CDH24: variants seen among roughly 807,000 people sequenced by gnomAD.
CDH24 encodes the protein cadherin 24.
In CDH24, 61 loss-of-function variants were observed where a neutral mutation model predicts 71.2. The observed-to-expected ratio is 0.86, with a 90% CI of 0.70 to 1.06. CDH24 has a LOEUF of 1.06. CDH24 is among the 50% of genes least tolerant of loss of function. CDH24 has a pLI of 0.00. For missense variants in CDH24, 961 were observed against 1,083.7 expected, an observed-to-expected ratio of 0.89 and a Z score of 1.59; for synonymous variants, 440 against 470.2, an observed-to-expected ratio of 0.94 and a Z score of 0.83.
rs2047109454 is a variant in CDH24 at position 23,054,450 on chromosome 14, C to T, written c.784+56G>A. On this transcript the variant is annotated intron_variant, in intron 5 of 12. Transcript: ENST00000487137. This position sits in a 1 kb window ranked among gnomAD's most constrained non-coding sequence, Gnocchi z 5.2. ...GGCGAGGAGGGAAGGTTTCTCCAGA[C>T]ACTGTAGGGGTGGGGTGATCAAAGG... 2.5e-6 allele frequency: 4 copies of T among 1,577,302 alleles called. No individual in the cohort carries two copies. Among genetic ancestry groups the T allele is most frequent in the African/African-American group, 1.3e-5 (1 of 74,172 alleles).
chr14:23,054,346 G>C lies in CDH24; in HGVS notation c.785-18C>G, dbSNP rs1046055780. The stretch of plus-strand genomic sequence containing the variant: ...GTATAGGCCTTGGGATGACAGAGGG[G>C]AGACACCTTCTCAGAGAGGTCCCCA... On this transcript the variant is annotated intron_variant, in intron 5 of 12. Coordinates refer to ENST00000487137, the MANE Select transcript of CDH24 (RefSeq NM_144985.4). The surrounding 1 kb of genome is among the most constrained non-coding windows in gnomAD (Gnocchi z 5.2). 1 of 1,563,076 alleles carries C rather than the reference G, an allele frequency of 6.4e-7. No homozygotes were observed. The highest frequency in any genetic ancestry group is 1.2e-5 in the South Asian group (1 of 84,398).
intron 7 of CDH24, among the ~76,000 whole-genome samples, chr14:23,053,177 A>T (rs1384162835): frequency 1.3e-5 from 2 of 152,210 alleles, no homozygotes; most frequent in African/African-American, 2.4e-5. Flanking sequence ...AGTGTCAGCA[A>T]GGGGGTAAAC....
At position 23,049,607 on chromosome 14, in the gene CDH24, G is replaced by A. The variant is rs745629706; in HGVS notation, c.1597+20C>T. ...AGGGGACAGAGGCAGGTATGGACAT[G>A]GCTGTAGGAGGCCACCTACCTCGGT... On this transcript the variant is annotated intron_variant, in intron 10 of 12. Coordinates refer to ENST00000487137, the MANE Select transcript of CDH24 (RefSeq NM_144985.4). The A allele has an allele frequency of 2.6e-4, 356 of 1,379,764 alleles. 1 individual carries two copies. Among genetic ancestry groups the A allele is most frequent in the South Asian group, 2.4e-3 (179 of 75,046 alleles). The allele number at this position is 1,379,764 out of a possible 1,614,324, so 85.5% of individuals were successfully genotyped here.
In CDH24 at chr14:23,055,782, T is replaced by A. The variant is rs1166438343; in HGVS notation, c.-49A>T. The A allele has an allele frequency of 6.8e-7, 1 of 1,466,316 alleles. No homozygotes were observed. The highest frequency in any genetic ancestry group is 1.4e-5 in the South Asian group (1 of 72,572). The allele number at this position is 1,466,316 out of a possible 1,614,324, so 90.8% of individuals were successfully genotyped here. ...GTTCACTGGCCCTGGGTGCTGAGGC[T>A]GGGCCAGGCCACGTGGCCCATGAGC... On this transcript the variant is annotated 5_prime_UTR_variant, in exon 2 of 13. Coordinates refer to ENST00000487137, the MANE Select transcript of CDH24 (RefSeq NM_144985.4). This position sits in a 1 kb window ranked among gnomAD's most constrained non-coding sequence, Gnocchi z 4.1.
chr14:23,055,722 C>G lies in CDH24; in HGVS notation c.12G>C (p.Leu4=). 2 of 1,586,070 alleles carry G rather than the reference C, an allele frequency of 1.3e-6. No homozygotes were observed. The highest frequency in any genetic ancestry group is 1.7e-6 in the Non-Finnish European group (2 of 1,171,220). Residue 4 remains leucine (L), a synonymous_variant, in exon 2 of 13, where the codon CTG becomes CTC. Coordinates refer to ENST00000487137, the MANE Select transcript of CDH24 (RefSeq NM_144985.4). This position sits in a 1 kb window ranked among gnomAD's most constrained non-coding sequence, Gnocchi z 4.1. Reference sequence around the variant, plus strand: ...CCAGCCAGGCCAGCAGGAGCCTCACCAGGCCCCACATGTTTGGACTCCAGC... The same window carrying G: ...CCAGCCAGGCCAGCAGGAGCCTCACGAGGCCCCACATGTTTGGACTCCAGC... The part of the protein sequence containing the change: MWG[L]VRLLLAWLGG...
intron 8 of CDH24, 128 bp from the exon 9 acceptor site, chr14:23,050,071 A>G (rs2047074922): frequency 7.7e-7 from 1 of 1,299,820 alleles, no homozygotes; most frequent in Non-Finnish European, 1.1e-6. Flanking sequence ...TGAAATATGC[A>G]TGTAATGTAC....
At position 23,048,005 on chromosome 14, in the gene CDH24, C is replaced by A; in HGVS notation, c.2321G>T (p.Gly774Val). 7.0e-7 allele frequency: 1 copy of A among 1,431,160 alleles called. No individual in the cohort carries two copies. Among genetic ancestry groups the A allele is most frequent in the Admixed American group, 2.8e-5 (1 of 35,752 alleles). 88.7% of individuals were successfully genotyped at this position (1,431,160 alleles called of 1,614,324 possible). ...TCAGGGGGCCGGGGGCTCCTTGGCC[C>A]CATACAGCTCGGCCAGGGTGCGGAA... is the stretch of plus-strand genomic sequence containing the variant. ...PLFRTLAELYGAKEPPAP is the reference protein window; with the variant it reads ...PLFRTLAELYVAKEPPAP The change falls in exon 12 of 13, where the codon GGG becomes GTG. Residue 774 changes from glycine to valine, a missense_variant. This residue lies in a region of CDH24 where 290 missense variants were observed against 272.8 expected (regional missense o/e 1.06). Coordinates refer to ENST00000487137, the MANE Select transcript of CDH24 (RefSeq NM_144985.4).
chr14:23,054,590 C>T lies in CDH24; in HGVS notation c.700G>A (p.Gly234Ser), dbSNP rs562683185. Residue 234 changes from glycine to serine, a missense_variant, in exon 5 of 13, where the codon GGC becomes AGC. Physicochemically the swap from Gly to Ser is moderately conservative, Grantham distance 56 (BLOSUM62 0). Around this residue, in one of 2 missense-constraint regions of CDH24, gnomAD observed 671 missense variants for 810.9 expected, o/e 0.83. Transcript: ENST00000487137. This position sits in a 1 kb window ranked among gnomAD's most constrained non-coding sequence, Gnocchi z 5.2. ...CTGCCTGACAGCCCCCCCATGTGGC[C>T]GCCCATGTCCTTGGCCTGGATCACC... ...LVVIQAKDMG[G>S]HMGGLSGSTT... 2.4e-5 allele frequency: 39 copies of T among 1,614,110 alleles called. No individual in the cohort carries two copies. Among genetic ancestry groups the T allele is most frequent in the Admixed American group, 1.5e-4 (9 of 60,016 alleles).
chr14:23,048,725 T>G (rs1566721476), intron 11 of CDH24, among the ~76,000 whole-genome samples: 1 of 152,204 alleles, frequency 6.6e-6, no homozygotes, highest in Non-Finnish European at 1.5e-5. Context: ...GAAAATATAT[T>G]TACTTCTAAG....
rs940767639 is a variant in CDH24, at chr14:23,051,789, G to A, written c.1363+684C>T. 3.9e-5 allele frequency among the ~76,000 whole-genome samples: 6 copies of A among 152,232 alleles called. No homozygotes were observed. Among genetic ancestry groups the A allele is most frequent in the Non-Finnish European group, 7.3e-5 (5 of 68,038 alleles). ...AGTATGAAGACAAAAGGGTGGAGGAGCCCCTGAGGCATAAGCAGGGGTATA... is the reference window on the plus strand; with the variant it reads ...AGTATGAAGACAAAAGGGTGGAGGAACCCCTGAGGCATAAGCAGGGGTATA... On this transcript the variant is annotated intron_variant, in intron 8 of 12. Coordinates refer to ENST00000487137, the MANE Select transcript of CDH24 (RefSeq NM_144985.4). The surrounding 1 kb of genome is among the most constrained non-coding windows in gnomAD (Gnocchi z 4.4).
In CDH24 at chr14:23,055,906, C is replaced by G. The variant is rs2047126385; in HGVS notation, c.-124-49G>C. 78 of 589,998 alleles carry G rather than the reference C, an allele frequency of 1.3e-4. No homozygotes were observed. In the South Asian group the frequency reaches 1.7e-3, roughly 13 times the overall value. The allele number at this position is 589,998 out of a possible 1,614,324, so 36.5% of individuals were successfully genotyped here. ...GCTCAAGGAAACCCCTAGCCCTCCT[C>G]CCCCGCAAAATTAGATGCTGAAGAC... On this transcript the variant is annotated intron_variant, in intron 1 of 12. Coordinates refer to ENST00000487137, the MANE Select transcript of CDH24 (RefSeq NM_144985.4). The surrounding 1 kb of genome is among the most constrained non-coding windows in gnomAD (Gnocchi z 4.1).
Position 23,048,139 on chromosome 14 carries a change from G to T in CDH24, c.2187C>A (p.Gly729=). 1 of 1,394,214 alleles carries T rather than the reference G, an allele frequency of 7.2e-7. No individual in the cohort carries two copies. The allele number at this position is 1,394,214 out of a possible 1,614,324, so 86.4% of individuals were successfully genotyped here. The stretch of plus-strand genomic sequence containing the variant: ...CGCAAGAGGAGCCGCGGCCCTCGTA[G>T]CCGTACACCTGCACCGAGTCGTACG... ...VPPYDSVQVY[G]YEGRGSSCGS... The change falls in exon 12 of 13, where the codon GGC becomes GGA. Residue 729 remains glycine, a synonymous_variant. Coordinates refer to ENST00000487137, the MANE Select transcript of CDH24 (RefSeq NM_144985.4).
At chr14:23,052,447 C>G (rs552602186) in intron 8 of CDH24, 26 bp downstream of exon 8, 1 of 1,612,818 alleles carries the variant, frequency 6.2e-7, no homozygotes, top group Non-Finnish European at 8.5e-7. Flanking sequence ...AGGCTGCTGC[C>G]GCCTTGTGGG....
At chr14:23,050,187 G>A in intron 8 of CDH24, 1 of 463,570 alleles carries the variant, frequency 2.2e-6, no homozygotes, top group African/African-American at 2.0e-5. Flanking sequence ...CAACAGGAAT[G>A]CCGCACCCAT....
At chr14:23,049,331 G>A in intron 10 of CDH24, 56 bp from the exon 11 acceptor site, 2 of 1,496,132 alleles carry the variant, frequency 1.3e-6, no homozygotes, top group South Asian at 1.3e-5. Flanking sequence ...AGGTAGGGTT[G>A]GTCCAGCCCA....
rs1470383757 is a variant in CDH24, at chr14:23,053,700, G to A, written c.1022C>T (p.Thr341Ile). ...QRSYSFRVEA[T>I]NTLIDPAYLR... ...ATAGGCTGGGTCAATGAGCGTGTTG[G>A]TGGCCTCGACACGGAAGGAGTAGGA... Residue 341 changes from threonine to isoleucine, a missense_variant, in exon 7 of 13, where the codon ACC (threonine) becomes ATC (isoleucine). Coordinates refer to ENST00000487137, the MANE Select transcript of CDH24 (RefSeq NM_144985.4). The A allele has an allele frequency of 9.3e-6, 15 of 1,613,244 alleles. No homozygotes were observed. The highest frequency in any genetic ancestry group is 2.2e-5 in the South Asian group (2 of 91,082).
At position 23,053,529 on chromosome 14, in the gene CDH24, G is replaced by T. The variant is rs746379911; in HGVS notation, c.1193C>A (p.Ala398Glu). 8.2e-6 allele frequency: 13 copies of T among 1,593,934 alleles called. No individual in the cohort carries two copies. Among genetic ancestry groups the T allele is most frequent in the African/African-American group, 4.0e-5 (3 of 74,620 alleles). Reference sequence around the variant, plus strand: ...GCTGGCAGGGGAGTCCAGGTCAGCCGCGGAGATCTGGCCTACCAGGGTCCC... The same window carrying T: ...GCTGGCAGGGGAGTCCAGGTCAGCCTCGGAGATCTGGCCTACCAGGGTCCC... ...APGTLVGQISAADLDSPASPI... is the reference protein window; with the variant it reads ...APGTLVGQISEADLDSPASPI... The change falls in exon 7 of 13, where the codon GCG (alanine) becomes GAG (glutamate). Residue 398 changes from alanine (A) to glutamate (E), a missense_variant. Around this residue, in one of 2 missense-constraint regions of CDH24, gnomAD observed 671 missense variants for 810.9 expected, o/e 0.83. Transcript: ENST00000487137.
Position 23,047,970 on chromosome 14 carries a change from G to C in CDH24, c.*10C>G. The C allele has an allele frequency of 7.6e-7, 1 of 1,322,734 alleles. No homozygotes were observed. The highest frequency in any genetic ancestry group is 9.6e-7 in the Non-Finnish European group (1 of 1,041,770). 81.9% of individuals were successfully genotyped at this position (1,322,734 alleles called of 1,614,324 possible). A position where few individuals can be genotyped will look rare whatever the true frequency, so the allele number is the denominator to read the frequency against. ...CCCCCCCCCGCGGTGGGCCGGGCCA[G>C]CCCGGGCGCTCAGGGGGCCGGGGGC... On this transcript the variant is annotated 3_prime_UTR_variant, in exon 12 of 13. Coordinates refer to ENST00000487137, the MANE Select transcript of CDH24 (RefSeq NM_144985.4).
At chr14:23,049,569 G>A (rs1309511915) in intron 10 of CDH24, 58 bp downstream of exon 10, 1 of 1,022,056 alleles carries the variant, frequency 9.8e-7, no homozygotes, top group African/African-American at 1.6e-5. Context: ...GCTAGGGGTG[G>A]AGGAGGAGGA....
Sources: gnomAD v4.1 joint callset for allele counts (sites outside exome capture counted in the v4.1 genomes callset) on GRCh38, gnomAD v4.1.1 for gene constraint, gnomAD v4.1.1 regional missense constraint, Gnocchi (gnomAD v3.1) non-coding constraint, MANE v1.5 for transcripts, NCBI Gene and HGNC (gene_info 2026-07-23, HGNC 2026-07-21) for gene names.